LYPLA1: variants seen among roughly 807,000 people sequenced by gnomAD.
The protein encoded by LYPLA1 is lysophospholipase 1, also known as acyl-protein thioesterase 1.
LYPLA1 carries 17 observed loss-of-function variants against 34.0 expected under a neutral mutation model. The observed-to-expected ratio is 0.50, with a 90% CI of 0.34 to 0.75. The LOEUF (loss-of-function observed/expected upper bound fraction) is 0.75. Ranked by LOEUF, LYPLA1 falls within the 30% of genes least tolerant of loss-of-function variation. The pLI is 0.01. For synonymous variants in LYPLA1, 98 were observed against 100.8 expected (o/e 0.97, Z 0.17); for missense variants, 203 against 288.8 (o/e 0.70, Z 2.15).
chr8:54,050,931 C>T, intron 8 of LYPLA1, 81 bp downstream of exon 8: 2 of 1,368,234 alleles, frequency 1.5e-6, no homozygotes, highest in South Asian at 2.9e-5. Context: ...AATCCCCAAG[C>T]ATTCAAATGT....
rs1212077924 is a variant in LYPLA1, at chr8:54,046,497, T to C, written c.*1568A>G. 2 of 152,746 alleles carry C rather than the reference T, an allele frequency of 1.3e-5. No homozygotes were observed. The highest frequency in any genetic ancestry group is 2.9e-5 in the Non-Finnish European group (2 of 68,024). 9.5% of individuals were successfully genotyped at this position (152,746 alleles called of 1,614,324 possible). A position where few individuals can be genotyped will look rare whatever the true frequency, so the allele number is the denominator to read the frequency against. On this transcript the variant is annotated 3_prime_UTR_variant, in exon 9 of 9. Coordinates refer to ENST00000316963, the MANE Select transcript of LYPLA1 (RefSeq NM_006330.4). Reference sequence around the variant, plus strand: ...CCATAAATAATATCTTGCTGATTTGTAGAAGTGAAATAACAGTTTATGTTC... The same window carrying C: ...CCATAAATAATATCTTGCTGATTTGCAGAAGTGAAATAACAGTTTATGTTC...
At chr8:54,050,152 C>T (rs1320924685) in intron 8 of LYPLA1, among the ~76,000 whole-genome samples, 1 of 152,214 alleles carries the variant, frequency 6.6e-6, no homozygotes, top group Non-Finnish European at 1.5e-5. Flanking sequence ...GAACTTCAGA[C>T]AAGTATTTCC....
At chr8:54,058,707 C>G (rs1806381737) in intron 5 of LYPLA1, among the ~76,000 whole-genome samples, 1 of 151,880 alleles carries the variant, frequency 6.6e-6, no homozygotes, top group African/African-American at 2.4e-5. Context: ...TCTCAAGCAG[C>G]TGAGGGGGCC....
At chr8:54,048,793 CT>C (rs1490326445) in intron 8 of LYPLA1, among the ~76,000 whole-genome samples, 3 of 152,200 alleles carry the variant, frequency 2.0e-5, no homozygotes, top group African/African-American at 4.8e-5. Flanking sequence ...AATTTAGTCA[CT>C]CAGAAAAGAG....
intron 6 of LYPLA1, chr8:54,053,550 A>G (rs1805994157): frequency 6.6e-6 from 3 of 455,158 alleles, no homozygotes; most frequent in South Asian, 1.5e-5. Flanking sequence ...GACCATGCCC[A>G]TGGGTTACTG....
chr8:54,081,683 G>A (rs1053221657), intron 2 of LYPLA1, among the ~76,000 whole-genome samples: 5 of 151,784 alleles, frequency 3.3e-5, no homozygotes, highest in Non-Finnish European at 5.9e-5. Flanking sequence ...CCAAAGTGCT[G>A]GGATTACAGG....
At chr8:54,082,226 T>A (rs1808376230) in intron 2 of LYPLA1, among the ~76,000 whole-genome samples, 1 of 152,196 alleles carries the variant, frequency 6.6e-6, no homozygotes, top group African/African-American at 2.4e-5. Flanking sequence ...TAGTTTCAGC[T>A]ATGAAAATCA....
At chr8:54,073,898 A>G (rs957135715) in intron 2 of LYPLA1, among the ~76,000 whole-genome samples, 3 of 152,232 alleles carry the variant, frequency 2.0e-5, no homozygotes, top group Non-Finnish European at 2.9e-5. Context: ...ATATCTTCAG[A>G]TTATTAGAGA....
At chr8:54,097,842 C>T (rs1172827746) in intron 2 of LYPLA1, among the ~76,000 whole-genome samples, 2 of 152,158 alleles carry the variant, frequency 1.3e-5, no homozygotes, top group African/African-American at 2.4e-5. Flanking sequence ...AAGAGATTAA[C>T]AATAATAAAA....
Position 54,100,946 on chromosome 8 carries a change from G to C in LYPLA1, c.70-7C>G. The C allele has an allele frequency of 6.2e-7, 1 of 1,607,514 alleles. No individual in the cohort carries two copies. Among genetic ancestry groups the C allele is most frequent in the South Asian group, 1.1e-5 (1 of 90,902 alleles). Reference sequence around the variant, plus strand: ...ATCCATGCAGGAAAATCACCTATAAGAGAAGAGGAAAATTAATAAGCAATG... The same window carrying C: ...ATCCATGCAGGAAAATCACCTATAACAGAAGAGGAAAATTAATAAGCAATG... On this transcript the variant is annotated splice_polypyrimidine_tract_variant and splice_region_variant and intron_variant, in intron 1 of 8. Transcript: ENST00000316963.
At chr8:54,044,350 ATTTG>A (rs1007736967), downstream of LYPLA1, among the ~76,000 whole-genome samples, 10 of 152,254 alleles carry the variant, frequency 6.6e-5, no homozygotes, top group African/African-American at 2.2e-4. Flanking sequence ...TTCATAAAGT[ATTTG>A]TTTGCTTCTT....
chr8:54,065,921 A>T, intron 2 of LYPLA1, 108 bp from the exon 3 acceptor site: 1 of 748,494 alleles, frequency 1.3e-6, no homozygotes, highest in Admixed American at 2.1e-5. Context: ...GTTAAATCCT[A>T]AAAATATGGT....
chr8:54,072,218 C>A (rs1807527491), intron 2 of LYPLA1, among the ~76,000 whole-genome samples: 1 of 152,174 alleles, frequency 6.6e-6, no homozygotes, highest in African/African-American at 2.4e-5. Context: ...CCACCTAACA[C>A]CACATACAAA....
At chr8:54,077,397 G>A (rs539331312) in intron 2 of LYPLA1, among the ~76,000 whole-genome samples, 11 of 152,292 alleles carry the variant, frequency 7.2e-5, no homozygotes, top group African/African-American at 2.2e-4. Context: ...CAGGTACTAC[G>A]CTTATTACCT....
At chr8:54,079,620 T>C (rs1445610352) in intron 2 of LYPLA1, among the ~76,000 whole-genome samples, 6 of 151,388 alleles carry the variant, frequency 4.0e-5, no homozygotes, top group African/African-American at 1.5e-4. Context: ...CTGGGCAATG[T>C]GGCGAATCCC....
chr8:54,047,902 A>C lies in LYPLA1; in HGVS notation c.*163T>G. On this transcript the variant is annotated 3_prime_UTR_variant, in exon 9 of 9. Transcript: ENST00000316963. Reference sequence around the variant, plus strand: ...ATGTATAGAAACTTAAAAGATCATAAATTTCTCATGAGGAGATATTATTTG... The same window carrying C: ...ATGTATAGAAACTTAAAAGATCATACATTTCTCATGAGGAGATATTATTTG... The C allele has an allele frequency of 4.1e-6, 2 of 489,228 alleles. No individual in the cohort carries two copies. Among genetic ancestry groups the C allele is most frequent in the Non-Finnish European group, 3.6e-6 (1 of 276,356 alleles). The allele number at this position is 489,228 out of a possible 1,614,324, so 30.3% of individuals were successfully genotyped here.
intron 2 of LYPLA1, among the ~76,000 whole-genome samples, chr8:54,070,356 A>C (rs966201795): frequency 3.3e-4 from 50 of 152,144 alleles, no homozygotes; most frequent in African/African-American, 1.1e-3. Flanking sequence ...ACTTGTACAC[A>C]AATGTTCTTT....
At chr8:54,100,022 G>T (rs1217411567) in intron 2 of LYPLA1, among the ~76,000 whole-genome samples, 1 of 152,010 alleles carries the variant, frequency 6.6e-6, no homozygotes, top group Non-Finnish European at 1.5e-5. Flanking sequence ...TCGTTCTGGG[G>T]CTACTTTATC....
chr8:54,072,774 T>C (rs931720080), intron 2 of LYPLA1, among the ~76,000 whole-genome samples: 6 of 150,812 alleles, frequency 4.0e-5, no homozygotes, highest in Admixed American at 1.3e-4. Flanking sequence ...AGGTCAGGAG[T>C]TCGAGACCAA....
Sources: allele counts gnomAD v4.1 joint callset (sites outside exome capture counted in the v4.1 genomes callset), GRCh38; gene constraint gnomAD v4.1.1; transcripts MANE v1.5; gene names NCBI Gene and HGNC (gene_info 2026-07-23, HGNC 2026-07-21).